The following DCAF5 variants were observed in gnomAD, a reference collection of about 807,000 sequenced individuals.
DCAF5 encodes DDB1- and CUL4-associated factor 5.
Under a neutral mutation model 80.7 loss-of-function variants are expected in DCAF5, and 9 were observed. The ratio of observed to expected loss-of-function variants is 0.11; its 90% confidence interval spans 0.07 to 0.19. DCAF5 has a LOEUF of 0.19. Ranked by LOEUF, DCAF5 falls within the 10% of genes least tolerant of loss-of-function variation. The probability of loss-of-function intolerance (pLI) is 1.00; values close to 1 mark genes in which losing one functional copy is unlikely to be tolerated. For missense variants in DCAF5, 842 were observed against 1,205.7 expected (o/e 0.70, Z 4.47); for synonymous variants, 433 against 461.9 (o/e 0.94, Z 0.80).
chr14:69,098,793 G>A (rs1428892835), intron 5 of DCAF5, among the ~76,000 whole-genome samples: 5 of 148,628 alleles, frequency 3.4e-5, no homozygotes, highest in African/African-American at 9.9e-5. Context: ...AGCTACTCAG[G>A]AGGCTGAGGC....
chr14:69,094,298 C>A (rs2039627412), intron 5 of DCAF5, among the ~76,000 whole-genome samples: 1 of 152,104 alleles, frequency 6.6e-6, no homozygotes, highest in African/African-American at 2.4e-5. Context: ...GGAGTCTGCC[C>A]AGGACAGGCA....
chr14:69,115,739 CTT>C (rs1253875061), intron 5 of DCAF5, among the ~76,000 whole-genome samples: 2 of 152,150 alleles, frequency 1.3e-5, no homozygotes, highest in African/African-American at 4.8e-5. Flanking sequence ...TCAGGTTTGT[CTT>C]AAGTATGCTC....
At chr14:69,093,928 C>T (rs1291367050) in intron 5 of DCAF5, among the ~76,000 whole-genome samples, 3 of 152,198 alleles carry the variant, frequency 2.0e-5, no homozygotes, top group Admixed American at 2.0e-4. Context: ...ACAGGCCACA[C>T]TCTCTTGCAT....
At chr14:69,145,879 T>C (rs1171391170) in intron 1 of DCAF5, among the ~76,000 whole-genome samples, 1 of 152,248 alleles carries the variant, frequency 6.6e-6, no homozygotes, top group East Asian at 1.9e-4. Context: ...TAAAATTAAG[T>C]GCCATGTTTA....
At position 69,093,903 on chromosome 14, in the gene DCAF5, A is replaced by G. The variant is rs540290312; in HGVS notation, c.666-2016T>C. On this transcript the variant is annotated intron_variant, in intron 5 of 8. Coordinates refer to ENST00000341516, the MANE Select transcript of DCAF5 (RefSeq NM_003861.3). Reference sequence around the variant, plus strand: ...GTAATCCCTGCAGAGAAATGCCCTTATAATGGTCCTAAACACAGGCCACAC... The same window carrying G: ...GTAATCCCTGCAGAGAAATGCCCTTGTAATGGTCCTAAACACAGGCCACAC... Among the ~76,000 whole-genome samples the G allele has an allele frequency of 5.9e-5, 9 of 152,326 alleles. 2 individuals are homozygous for G. The Middle Eastern group carries it at 0.027, about 461-fold the overall frequency.
chr14:69,083,483 G>T, intron 6 of DCAF5: 1 of 327,402 alleles, frequency 3.1e-6, no homozygotes. Flanking sequence ...AAGTTGCAGG[G>T]GGCCTCAAAT....
intron 5 of DCAF5, among the ~76,000 whole-genome samples, chr14:69,095,201 T>C (rs1271581116): frequency 6.6e-6 from 1 of 152,182 alleles, no homozygotes; most frequent in African/African-American, 2.4e-5. Flanking sequence ...CTGACTTGCT[T>C]TCTAGACACT....
At chr14:69,077,902 A>G (rs1198854062) in intron 6 of DCAF5, among the ~76,000 whole-genome samples, 1 of 152,236 alleles carries the variant, frequency 6.6e-6, no homozygotes, top group Admixed American at 6.5e-5. Flanking sequence ...TATAGGGATT[A>G]GGTAATCAGG....
chr14:69,151,622 G>C (rs888938630), intron 1 of DCAF5, among the ~76,000 whole-genome samples: 1 of 152,160 alleles, frequency 6.6e-6, no homozygotes, highest in Admixed American at 6.5e-5. Flanking sequence ...CCAGGTTTCG[G>C]GGAGCCGCCC....
intron 1 of DCAF5, among the ~76,000 whole-genome samples, chr14:69,134,103 T>G (rs1184531880): frequency 6.6e-6 from 1 of 152,136 alleles, no homozygotes; most frequent in Non-Finnish European, 1.5e-5. Context: ...AACATCCCCA[T>G]TTTGCCAGTG....
intron 5 of DCAF5, 107 bp from the exon 6 acceptor site, chr14:69,091,994 A>C: frequency 1.1e-6 from 1 of 912,190 alleles, no homozygotes; most frequent in Non-Finnish European, 1.7e-6. Context: ...GCTGAATTTC[A>C]GCAAAAGGAT....
chr14:69,085,068 C>T (rs1204080613), intron 6 of DCAF5: 28 of 1,136,014 alleles, frequency 2.5e-5, no homozygotes, highest in Middle Eastern at 5.8e-4. Context: ...CATTCAGTCT[C>T]AGCTTGAGAA....
chr14:69,106,085 C>A (rs1476902798), intron 5 of DCAF5, among the ~76,000 whole-genome samples: 1 of 151,022 alleles, frequency 6.6e-6, no homozygotes, highest in African/African-American at 2.4e-5. Context: ...GACGGAGTTT[C>A]GCTTTTTTTG....
At position 69,118,385 on chromosome 14, in the gene DCAF5, A is replaced by G; in HGVS notation, c.396-107T>C. ...GCCATCTTTTCCATTTCTAGAAGAA[A>G]GTCAACCTAGCTAAACCCAAAAAAT... On this transcript the variant is annotated intron_variant, in intron 3 of 8. Transcript: ENST00000341516. The surrounding 1 kb of genome is among the most constrained non-coding windows in gnomAD (Gnocchi z 4.0). The G allele has an allele frequency of 1.5e-6, 2 of 1,302,096 alleles. No homozygotes were observed. The highest frequency in any genetic ancestry group is 2.1e-6 in the Non-Finnish European group (2 of 973,162). 80.7% of individuals were successfully genotyped at this position (1,302,096 alleles called of 1,614,324 possible). A position where few individuals can be genotyped will look rare whatever the true frequency, so the allele number is the denominator to read the frequency against.
At chr14:69,129,355 A>G (rs1342897688) in intron 1 of DCAF5, among the ~76,000 whole-genome samples, 1 of 152,204 alleles carries the variant, frequency 6.6e-6, no homozygotes, top group Non-Finnish European at 1.5e-5. Flanking sequence ...TAAGAGCCCT[A>G]TGCAAAGGCA....
At chr14:69,109,984 C>T (rs770097958) in intron 5 of DCAF5, among the ~76,000 whole-genome samples, 67 of 152,106 alleles carry the variant, frequency 4.4e-4, no homozygotes, top group Non-Finnish European at 6.0e-4. Flanking sequence ...ACACCTAATA[C>T]TATAAGTCTT....
At chr14:69,056,852 C>G (rs183919739) in intron 8 of DCAF5, among the ~76,000 whole-genome samples, 1 of 152,172 alleles carries the variant, frequency 6.6e-6, no homozygotes, top group Non-Finnish European at 1.5e-5. Flanking sequence ...CTGAAGAAAC[C>G]TTCTAGATTA....
At chr14:69,120,113 C>T (rs185932939) in intron 2 of DCAF5, among the ~76,000 whole-genome samples, 1 of 152,096 alleles carries the variant, frequency 6.6e-6, no homozygotes, top group East Asian at 1.9e-4. Flanking sequence ...AGACAGGATC[C>T]TGCTCTGTTG....
At chr14:69,088,731 C>T (rs2039430486) in intron 6 of DCAF5, among the ~76,000 whole-genome samples, 1 of 152,194 alleles carries the variant, frequency 6.6e-6, no homozygotes, top group Non-Finnish European at 1.5e-5. Flanking sequence ...TTCCAGAACA[C>T]AGAGCCTCAG....
Sources: gnomAD v4.1 joint callset for allele counts (sites outside exome capture counted in the v4.1 genomes callset) on GRCh38, gnomAD v4.1.1 for gene constraint, Gnocchi (gnomAD v3.1) non-coding constraint, MANE v1.5 for transcripts, NCBI Gene and HGNC (gene_info 2026-07-23, HGNC 2026-07-21) for gene names.